Variants in SSBP3 observed in about 807,000 individuals in gnomAD.
SSBP3 encodes the protein single stranded DNA binding protein 3.
In SSBP3, 5 loss-of-function variants were observed where a neutral mutation model predicts 69.6. That is an observed-to-expected ratio of 0.07 (90% confidence interval 0.04 to 0.15). The LOEUF (loss-of-function observed/expected upper bound fraction) is 0.15. Ranked by LOEUF, SSBP3 falls within the 10% of genes least tolerant of loss-of-function variation. The probability of loss-of-function intolerance (pLI) is 1.00; values close to 1 mark genes in which losing one functional copy is unlikely to be tolerated. For synonymous variants in SSBP3, 196 were observed against 193.4 expected, an observed-to-expected ratio of 1.01 and a Z score of -0.11; for missense variants, 312 against 534.0, an observed-to-expected ratio of 0.58 and a Z score of 4.10.
At chr1:54,413,457 T>G (rs1360429040) in exon 1 of SSBP3, 2 of 152,290 alleles carry the variant, frequency 1.3e-5, no homozygotes, top group Non-Finnish European at 1.5e-5. Flanking sequence ...AGGATGTCTG[T>G]CATGTTCTTT....
rs781444488 is a variant in SSBP3 at position 54,376,080 on chromosome 1, T to C, written c.276+25781A>G. ...AGTACCCAGGAGCAACAATCAGTTA[T>C]GCAAACAGGGACCCCTCCCCCAAGC... On this transcript the variant is annotated intron_variant, in intron 4 of 17. Coordinates refer to ENST00000610401, the Ensembl canonical transcript of SSBP3. 3.9e-4 allele frequency among the ~76,000 whole-genome samples: 59 copies of C among 152,254 alleles called. 2 individuals are homozygous for C. Among genetic ancestry groups the C allele is most frequent in the Middle Eastern group, 6.8e-3 (2 of 294 alleles).
intron 14 of SSBP3, among the ~76,000 whole-genome samples, chr1:54,232,889 G>A (rs934291785): frequency 9.2e-5 from 14 of 152,310 alleles, no homozygotes; most frequent in African/African-American, 2.6e-4. Context: ...AGTGCTCAAC[G>A]GTGCCCAGGC....
chr1:54,330,891 C>T (rs759801636), intron 4 of SSBP3, among the ~76,000 whole-genome samples: 21 of 152,302 alleles, frequency 1.4e-4, no homozygotes, highest in Non-Finnish European at 3.1e-4. Context: ...ATCACTGCTC[C>T]TGGTGCCAGG....
intron 4 of SSBP3, among the ~76,000 whole-genome samples, chr1:54,319,044 C>T (rs1254012780): frequency 2.0e-5 from 3 of 152,150 alleles, no homozygotes; most frequent in East Asian, 3.9e-4. Flanking sequence ...GCTGTCCACA[C>T]CACACCAGCT....
intron 4 of SSBP3, among the ~76,000 whole-genome samples, chr1:54,387,367 A>G (rs995909106): frequency 6.6e-6 from 1 of 152,244 alleles, no homozygotes; most frequent in African/African-American, 2.4e-5. Context: ...ATGCCTCTTC[A>G]AGAAAGGAAG....
intron 4 of SSBP3, among the ~76,000 whole-genome samples, chr1:54,363,510 C>A (rs1646982230): frequency 6.6e-6 from 1 of 152,202 alleles, no homozygotes; most frequent in East Asian, 1.9e-4. Context: ...ACAAATTTAC[C>A]CTTCATTTAT....
At chr1:54,246,401 C>G (rs1348763620) in intron 9 of SSBP3, among the ~76,000 whole-genome samples, 1 of 152,206 alleles carries the variant, frequency 6.6e-6, no homozygotes, top group Non-Finnish European at 1.5e-5. Flanking sequence ...GAGAGGTCTT[C>G]CAGATGGAGT....
At chr1:54,311,452 T>C (rs1646000076) in intron 4 of SSBP3, among the ~76,000 whole-genome samples, 1 of 152,176 alleles carries the variant, frequency 6.6e-6, no homozygotes, top group Admixed American at 6.5e-5. Context: ...CCTGCCTGAC[T>C]TGCAGGACCT....
chr1:54,284,103 CTTTTTT>C (rs5774181), intron 4 of SSBP3, among the ~76,000 whole-genome samples: 4 of 87,618 alleles, frequency 4.6e-5, no homozygotes, highest in Non-Finnish European at 6.4e-5. Flanking sequence ...TATTTAACCA[CTTTTTT>C]TTTTTTTTTT....
At chr1:54,388,841 C>T (rs1410251546) in intron 4 of SSBP3, among the ~76,000 whole-genome samples, 2 of 152,204 alleles carry the variant, frequency 1.3e-5, no homozygotes, top group Non-Finnish European at 2.9e-5. Context: ...CAGCCATCTC[C>T]GGAGAGAACT....
At chr1:54,303,546 C>T (rs780741541) in intron 4 of SSBP3, among the ~76,000 whole-genome samples, 3 of 152,168 alleles carry the variant, frequency 2.0e-5, no homozygotes, top group Non-Finnish European at 4.4e-5. Flanking sequence ...CACATAAGCT[C>T]GGAGGGGGAA....
Position 54,257,119 on chromosome 1 carries a change from T to A in SSBP3, c.507+8A>T. ...GGAGGGGAGAGAGAACATGAAAAGG[T>A]ACAGTACCTGGTTTCCCATTCTGAT... On this transcript the variant is annotated splice_region_variant and intron_variant, in intron 7 of 17. Transcript: ENST00000610401. The A allele has an allele frequency of 6.2e-7, 1 of 1,601,206 alleles. No homozygotes were observed. Among genetic ancestry groups the A allele is most frequent in the Non-Finnish European group, 8.5e-7 (1 of 1,175,412 alleles).
At chr1:54,341,090 T>C (rs1244244538) in intron 4 of SSBP3, among the ~76,000 whole-genome samples, 5 of 152,238 alleles carry the variant, frequency 3.3e-5, no homozygotes, top group Non-Finnish European at 5.9e-5. Context: ...AATGTCTGCA[T>C]AGTAAGCCGG....
chr1:54,391,126 A>G (rs1009616311), intron 4 of SSBP3, among the ~76,000 whole-genome samples: 4 of 152,180 alleles, frequency 2.6e-5, no homozygotes, highest in African/African-American at 4.8e-5. Context: ...TTGCTGTGTC[A>G]CCAGCCTCAG....
chr1:54,315,031 C>T (rs1041182972), intron 4 of SSBP3, among the ~76,000 whole-genome samples: 3 of 152,140 alleles, frequency 2.0e-5, no homozygotes, highest in Non-Finnish European at 4.4e-5. Context: ...AGAAATTCCC[C>T]GCGTGTGATT....
In SSBP3 at chr1:54,346,739, C is replaced by T. The variant is rs181875589; in HGVS notation, c.276+55122G>A. 4.9e-3 allele frequency among the ~76,000 whole-genome samples: 745 copies of T among 151,416 alleles called. 9 individuals carry two copies. Among genetic ancestry groups the T allele is most frequent in the Middle Eastern group, 0.031 (9 of 294 alleles). On this transcript the variant is annotated intron_variant, in intron 4 of 17. Transcript: ENST00000610401. ...CTGAGGCAGGAGAATGGCGTGAACCCGGGAGGCGGAGCTTGCAGTGAGCCG... is the reference window on the plus strand; with the variant it reads ...CTGAGGCAGGAGAATGGCGTGAACCTGGGAGGCGGAGCTTGCAGTGAGCCG...
chr1:54,348,259 G>GGGGGGGGGGGGA (rs1646723705), intron 4 of SSBP3, among the ~76,000 whole-genome samples: 1 of 117,538 alleles, frequency 8.5e-6, no homozygotes, highest in African/African-American at 3.2e-5. Context: ...GGGGGGGGGG[G>GGGGGGGGGGGGA]GCGGGTGAGG....
intron 4 of SSBP3, among the ~76,000 whole-genome samples, chr1:54,318,271 T>C (rs1646149992): frequency 6.6e-6 from 1 of 152,110 alleles, no homozygotes; most frequent in Non-Finnish European, 1.5e-5. Flanking sequence ...GCATGCAGGC[T>C]TTATATATGC....
At chr1:54,348,373 A>G (rs1368811978) in intron 4 of SSBP3, among the ~76,000 whole-genome samples, 1 of 152,074 alleles carries the variant, frequency 6.6e-6, no homozygotes. Flanking sequence ...AACAGGAAGT[A>G]GACATCCTCC....
Sources: gnomAD v4.1 joint callset for allele counts (sites outside exome capture counted in the v4.1 genomes callset) on GRCh38, gnomAD v4.1.1 for gene constraint, MANE v1.5 for transcripts, NCBI Gene and HGNC (gene_info 2026-07-23, HGNC 2026-07-21) for gene names.